Variants in EYS observed in about 807,000 individuals in gnomAD.
EYS encodes the protein EGF-like photoreceptor maintenance factor.
Under a neutral mutation model 282.1 loss-of-function variants are expected in EYS, and 250 were observed. The ratio of observed to expected loss-of-function variants is 0.89; its 90% CI spans 0.80 to 0.98. EYS has a LOEUF of 0.98. EYS is among the 50% of genes least tolerant of loss of function. EYS has a pLI of 0.00. For missense variants in EYS, 4,016 were observed against 3,709.0 expected (o/e 1.08, Z -2.15); for synonymous variants, 1,355 against 1,282.9 (o/e 1.06, Z -1.20).
intron 35 of EYS, among the ~76,000 whole-genome samples, chr6:63,975,186 T>C (rs1766775345): frequency 1.3e-5 from 2 of 152,016 alleles, no homozygotes; most frequent in African/African-American, 4.8e-5. Flanking sequence ...TGTGTATAAA[T>C]GGAAAAACAC....
At chr6:64,095,178 G>T (rs1207535954) in intron 31 of EYS, among the ~76,000 whole-genome samples, 3 of 152,182 alleles carry the variant, frequency 2.0e-5, no homozygotes, top group African/African-American at 7.2e-5. Context: ...TTCCAACCAT[G>T]TGGTCAATTT....
At chr6:64,262,627 C>A (rs936253123) in intron 30 of EYS, among the ~76,000 whole-genome samples, 1 of 151,964 alleles carries the variant, frequency 6.6e-6, no homozygotes, top group Admixed American at 6.6e-5. Flanking sequence ...TTCCTTTTTG[C>A]TTTGCTGGCT....
chr6:63,885,204 A>T (rs1773233781), intron 35 of EYS, among the ~76,000 whole-genome samples: 1 of 152,196 alleles, frequency 6.6e-6, no homozygotes, highest in African/African-American at 2.4e-5. Flanking sequence ...ATATAGGAGT[A>T]ATCTCATAGC....
chr6:65,695,398 C>A (rs1769411313), intron 1 of EYS, among the ~76,000 whole-genome samples: 1 of 152,034 alleles, frequency 6.6e-6, no homozygotes, highest in African/African-American at 2.4e-5. Context: ...AAACACAATT[C>A]TGTTATTAAA....
chr6:65,511,984 CAAAAAAA>C (rs11368301), intron 2 of EYS, among the ~76,000 whole-genome samples: 9 of 94,832 alleles, frequency 9.5e-5, no homozygotes, highest in South Asian at 3.3e-4. Flanking sequence ...AACTCTGTCT[CAAAAAAA>C]AAAAAAAAAA....
In EYS at chr6:64,439,363, A is replaced by G; in HGVS notation, c.5645-11T>C. 1 of 1,471,888 alleles carries G rather than the reference A, an allele frequency of 6.8e-7. No individual in the cohort carries two copies. Among genetic ancestry groups the G allele is most frequent in the Non-Finnish European group, 9.0e-7 (1 of 1,112,446 alleles). The allele number at this position is 1,471,888 out of a possible 1,614,324, so 91.2% of individuals were successfully genotyped here. On this transcript the variant is annotated splice_polypyrimidine_tract_variant and intron_variant, in intron 26 of 42. Transcript: ENST00000503581. ...GAACACAACTGAAATCTGTGGAGTC[A>G]GAAAGAAAATACAATTTAGGTTGAA...
intron 26 of EYS, among the ~76,000 whole-genome samples, chr6:64,563,834 A>G (rs1765477864): frequency 6.6e-6 from 1 of 152,126 alleles, no homozygotes; most frequent in Non-Finnish European, 1.5e-5. Flanking sequence ...AGAATAAAAA[A>G]AGGAATAAAA....
At chr6:64,504,733 G>A (rs59185560) in intron 26 of EYS, among the ~76,000 whole-genome samples, 3,615 of 152,254 alleles carry the variant, frequency 0.024, 138 homozygotes, top group African/African-American at 0.083. Context: ...TAGAGCTTTG[G>A]CAACAGCACA....
intron 31 of EYS, among the ~76,000 whole-genome samples, chr6:64,085,214 G>A (rs973086328): frequency 6.6e-6 from 1 of 151,980 alleles, no homozygotes; most frequent in African/African-American, 2.4e-5. Context: ...GACCCCAAGT[G>A]ATCCACCTGC....
intron 36 of EYS, among the ~76,000 whole-genome samples, chr6:63,844,999 C>A (rs1772061588): frequency 6.6e-6 from 1 of 152,032 alleles, no homozygotes; most frequent in African/African-American, 2.4e-5. Context: ...TTGGGTTTTA[C>A]ATTTAAGTCT....
intron 28 of EYS, among the ~76,000 whole-genome samples, chr6:64,432,626 A>G (rs985649553): frequency 6.6e-6 from 1 of 151,854 alleles, no homozygotes; most frequent in Non-Finnish European, 1.5e-5. Flanking sequence ...ATACACATGC[A>G]TAATTATAAC....
In EYS at chr6:64,638,409, A is replaced by G. The variant is rs1174947448; in HGVS notation, c.3444-12164T>C. ...TTACAATAGAATACAGAAATTAATA[A>G]ATTAAATGATTATTAAAATACACGC... On this transcript the variant is annotated intron_variant, in intron 22 of 42. Transcript: ENST00000503581. Among the ~76,000 whole-genome samples, 2 of 92,256 alleles carry G rather than the reference A, an allele frequency of 2.2e-5. 1 individual carries two copies. Among genetic ancestry groups the G allele is most frequent in the African/African-American group, 8.2e-5 (2 of 24,444 alleles). The allele number at this position is 92,256 out of a possible 152,430, so 60.5% of individuals were successfully genotyped here.
At chr6:65,332,719 C>T (rs1769840602) in intron 11 of EYS, among the ~76,000 whole-genome samples, 1 of 151,256 alleles carries the variant, frequency 6.6e-6, no homozygotes, top group South Asian at 2.1e-4. Context: ...CTTAATTTTG[C>T]TTTAAATATC....
At chr6:64,311,875 G>A (rs570634498) in intron 29 of EYS, among the ~76,000 whole-genome samples, 2 of 152,170 alleles carry the variant, frequency 1.3e-5, no homozygotes, top group African/African-American at 2.4e-5. Context: ...CTTCACAACC[G>A]GCAGACCAGG....
intron 37 of EYS, 65 bp downstream of exon 37, chr6:63,806,125 C>T (rs887086540): frequency 2.2e-6 from 3 of 1,351,382 alleles, no homozygotes; most frequent in Non-Finnish European, 3.0e-6. Context: ...TAGAGTGTCC[C>T]TGAGGAATCT....
At chr6:64,190,140 TA>T (rs1765058943) in intron 31 of EYS, among the ~76,000 whole-genome samples, 1 of 152,212 alleles carries the variant, frequency 6.6e-6, no homozygotes, top group Non-Finnish European at 1.5e-5. Context: ...AAGGTACCGA[TA>T]AGTAAGCAGG....
intron 31 of EYS, among the ~76,000 whole-genome samples, chr6:64,200,076 G>T (rs1765415780): frequency 6.6e-6 from 1 of 152,152 alleles, no homozygotes; most frequent in Admixed American, 6.6e-5. Context: ...AAGCCAGTCT[G>T]AAAAGGCTAT....
At chr6:63,831,833 A>T (rs1771647421) in intron 36 of EYS, among the ~76,000 whole-genome samples, 2 of 152,240 alleles carry the variant, frequency 1.3e-5, no homozygotes, top group South Asian at 4.1e-4. Flanking sequence ...ACTCCTCAGC[A>T]AATGTAAAAG....
intron 2 of EYS, among the ~76,000 whole-genome samples, chr6:65,531,473 T>C (rs539865217): frequency 3.1e-4 from 47 of 152,258 alleles, no homozygotes; most frequent in Non-Finnish European, 6.8e-4. Context: ...GTGGCCTCAT[T>C]ATAATCTGAC....
Sources: allele counts gnomAD v4.1 joint callset (sites outside exome capture counted in the v4.1 genomes callset), GRCh38; gene constraint gnomAD v4.1.1; transcripts MANE v1.5; gene names NCBI Gene and HGNC (gene_info 2026-07-23, HGNC 2026-07-21).